The following MIS18BP1 variants were observed in gnomAD, a reference collection of about 807,000 sequenced individuals.
The protein encoded by MIS18BP1 is MIS18 binding protein 1.
In MIS18BP1, 72 loss-of-function variants were observed where a neutral mutation model predicts 116.1. That is an observed-to-expected ratio of 0.62 (90% CI 0.51 to 0.75). The LOEUF (loss-of-function observed/expected upper bound fraction) is 0.75. Among genes scored for constraint, MIS18BP1 ranks in the 30% least tolerant of loss-of-function variants. MIS18BP1 has a pLI of 0.00. For synonymous variants in MIS18BP1, 386 were observed against 427.0 expected, an observed-to-expected ratio of 0.90 and a Z score of 1.18; for missense variants, 1,363 against 1,303.2, an observed-to-expected ratio of 1.05 and a Z score of -0.71.
At chr14:45,250,813 G>T (rs535449983) in intron 1 of MIS18BP1, among the ~76,000 whole-genome samples, 37 of 152,122 alleles carry the variant, frequency 2.4e-4, no homozygotes, top group African/African-American at 8.4e-4. Flanking sequence ...GAATGACGGC[G>T]AATCACGAGG....
At chr14:45,210,286 C>T in intron 14 of MIS18BP1, 94 bp downstream of exon 14, 3 of 1,262,740 alleles carry the variant, frequency 2.4e-6, no homozygotes, top group Non-Finnish European at 3.3e-6. Flanking sequence ...AATGCCTCTT[C>T]CCATTACTGG....
At chr14:45,227,625 T>TA in intron 9 of MIS18BP1, 38 bp downstream of exon 9, 4 of 1,555,658 alleles carry the variant, frequency 2.6e-6, no homozygotes, top group Non-Finnish European at 3.5e-6. Flanking sequence ...CCCTTCTAAA[T>TA]ATCAACTTGA....
chr14:45,238,389 T>C (rs759279122), intron 4 of MIS18BP1, among the ~76,000 whole-genome samples: 1 of 152,188 alleles, frequency 6.6e-6, no homozygotes. Context: ...TATGGAATAA[T>C]TTGAGTGGCA....
In MIS18BP1 at chr14:45,210,377, T is replaced by C. The variant is rs748584067; in HGVS notation, c.3152+3A>G. The C allele has an allele frequency of 6.2e-7, 1 of 1,612,622 alleles. No homozygotes were observed. Among genetic ancestry groups the C allele is most frequent in the Non-Finnish European group, 8.5e-7 (1 of 1,179,538 alleles). ...TTAACATATCATATGCATGAATATT[T>C]ACCTATTTATAGAACCTAGCATGCC... On this transcript the variant is annotated splice_donor_region_variant and intron_variant, in intron 14 of 16. Transcript: ENST00000310806.
At chr14:45,250,887 A>G (rs1418406622) in intron 1 of MIS18BP1, among the ~76,000 whole-genome samples, 1 of 152,156 alleles carries the variant, frequency 6.6e-6, no homozygotes, top group African/African-American at 2.4e-5. Flanking sequence ...AATACAAAAA[A>G]TTAGCCGGGC....
intron 11 of MIS18BP1, among the ~76,000 whole-genome samples, 155 bp downstream of exon 11, chr14:45,223,763 G>A (rs1031825158): frequency 4.6e-5 from 7 of 152,206 alleles, no homozygotes; most frequent in Middle Eastern, 3.4e-3. Flanking sequence ...ACCACTAGGA[G>A]TTATGTGTAG....
rs1291195035 is a variant in MIS18BP1 at position 45,242,359 on chromosome 14, A to G, written c.818T>C (p.Val273Ala). Residue 273 changes from valine to alanine, a missense_variant, in exon 4 of 17, where the codon GTT becomes GCT. Transcript: ENST00000310806. ...SKKDTFVLES[V>A]DSADEQFQNT... is the part of the protein sequence containing the mutation. ...TTGAAATTGTTCATCAGCAGAATCAACGCTTTCTAAAACAAACGTGTCCTT... is the reference window on the plus strand; with the variant it reads ...TTGAAATTGTTCATCAGCAGAATCAGCGCTTTCTAAAACAAACGTGTCCTT... 3 of 1,613,958 alleles carry G rather than the reference A, an allele frequency of 1.9e-6. No individual in the cohort carries two copies. The highest frequency in any genetic ancestry group is 2.5e-6 in the Non-Finnish European group (3 of 1,179,982).
chr14:45,235,395 CACAGG>C (rs1306052160), intron 6 of MIS18BP1, among the ~76,000 whole-genome samples: 4 of 151,478 alleles, frequency 2.6e-5, no homozygotes, highest in Non-Finnish European at 5.9e-5. Flanking sequence ...AGTGGTCATG[CACAGG>C]ACCAGCCTGG....
At chr14:45,226,025 A>G (rs1203463653) in intron 10 of MIS18BP1, among the ~76,000 whole-genome samples, 1 of 151,684 alleles carries the variant, frequency 6.6e-6, no homozygotes, top group East Asian at 1.9e-4. Flanking sequence ...TGAGAAAAGT[A>G]TTTTCTTCTA....
intron 4 of MIS18BP1, among the ~76,000 whole-genome samples, chr14:45,238,860 G>A (rs545613623): frequency 6.6e-6 from 1 of 152,032 alleles, no homozygotes; most frequent in African/African-American, 2.4e-5. Flanking sequence ...TAAGCCATGG[G>A]TCTCAGTAGT....
chr14:45,203,927 C>A lies in MIS18BP1; in HGVS notation c.*182G>T. On this transcript the variant is annotated 3_prime_UTR_variant, in exon 17 of 17. Transcript: ENST00000310806. ...ACACGAGCAAAAACAATTTTCTTTACATTTTTAGTAAGCTGCAGCAATGAG... is the reference window on the plus strand; with the variant it reads ...ACACGAGCAAAAACAATTTTCTTTAAATTTTTAGTAAGCTGCAGCAATGAG... The A allele has an allele frequency of 5.2e-6, 4 of 772,052 alleles. No individual in the cohort carries two copies. Among genetic ancestry groups the A allele is most frequent in the Non-Finnish European group, 7.2e-6 (4 of 555,056 alleles). 47.8% of individuals were successfully genotyped at this position (772,052 alleles called of 1,614,324 possible). A position where few individuals can be genotyped will look rare whatever the true frequency, so the allele number is the denominator to read the frequency against.
chr14:45,252,254 T>C (rs978633406), intron 1 of MIS18BP1, among the ~76,000 whole-genome samples: 1 of 151,598 alleles, frequency 6.6e-6, no homozygotes, highest in South Asian at 2.1e-4. Flanking sequence ...TGTCTACCAA[T>C]AAAGGACAAA....
chr14:45,214,935 G>A (rs374362484), intron 13 of MIS18BP1, among the ~76,000 whole-genome samples: 2 of 152,094 alleles, frequency 1.3e-5, no homozygotes, highest in South Asian at 2.1e-4. Context: ...ATTTTTAGTA[G>A]AGACGGGGTT....
intron 13 of MIS18BP1, among the ~76,000 whole-genome samples, chr14:45,215,338 T>C (rs1372563022): frequency 6.6e-6 from 1 of 152,238 alleles, no homozygotes; most frequent in Non-Finnish European, 1.5e-5. Flanking sequence ...ATTACCCTTA[T>C]GTCTAGCTCA....
chr14:45,240,803 G>A (rs1006132840), intron 4 of MIS18BP1, among the ~76,000 whole-genome samples: 3 of 152,150 alleles, frequency 2.0e-5, no homozygotes, highest in South Asian at 2.1e-4. Context: ...TCAGGAGGCT[G>A]AGGCAGGAGA....
At chr14:45,223,875 T>C in intron 11 of MIS18BP1, 43 bp downstream of exon 11, 1 of 1,397,806 alleles carries the variant, frequency 7.2e-7, no homozygotes, top group African/African-American at 1.4e-5. Flanking sequence ...AACTGTCTTG[T>C]GGCTGCTCTG....
intron 6 of MIS18BP1, 102 bp downstream of exon 6, chr14:45,235,712 A>T: frequency 2.1e-6 from 2 of 961,396 alleles, no homozygotes; most frequent in Non-Finnish European, 1.4e-6. Context: ...TTCATAATTT[A>T]AAAATACCTA....
chr14:45,206,373 A>C (rs968105856), intron 14 of MIS18BP1: 2 of 454,288 alleles, frequency 4.4e-6, no homozygotes, highest in African/African-American at 4.0e-5. Flanking sequence ...TGCAGCCTCA[A>C]CCTCCTGGGC....
chr14:45,237,625 G>C, intron 5 of MIS18BP1, 23 bp downstream of exon 5: 1 of 1,581,848 alleles, frequency 6.3e-7, no homozygotes, highest in Non-Finnish European at 8.6e-7. Flanking sequence ...TTTATTAAAA[G>C]AATAATGAAA....
Sources: gnomAD v4.1 joint callset for allele counts (sites outside exome capture counted in the v4.1 genomes callset) on GRCh38, gnomAD v4.1.1 for gene constraint, MANE v1.5 for transcripts, NCBI Gene and HGNC (gene_info 2026-07-23, HGNC 2026-07-21) for gene names.